The following NPSR1 variants were observed in gnomAD, a reference collection of about 807,000 sequenced individuals.
NPSR1 encodes the protein neuropeptide S receptor 1.
In NPSR1, 48 loss-of-function variants were observed where a neutral mutation model predicts 46.9. The observed-to-expected ratio is 1.02, with a 90% CI of 0.81 to 1.30. The LOEUF (loss-of-function observed/expected upper bound fraction) is 1.30, where lower values mean the gene tolerates loss of function less well. Among genes scored for constraint, NPSR1 ranks in the 50% most tolerant of loss-of-function variants. NPSR1 has a pLI of 0.00. For missense variants in NPSR1, 450 were observed against 449.5 expected (o/e 1.00, Z -0.01); for synonymous variants, 176 against 168.1 (o/e 1.05, Z -0.36).
At position 34,787,560 on chromosome 7, in the gene NPSR1, G is replaced by C. The variant is rs568717886; in HGVS notation, c.384+8995G>C. On this transcript the variant is annotated intron_variant, in intron 3 of 8. Transcript: ENST00000360581. ...CAAAACTAAGCTTTTGGTCTATCTT[G>C]GTTTCTGACATGCTTTTTCTCCCTA... Among the ~76,000 whole-genome samples the C allele has an allele frequency of 2.4e-4, 37 of 152,124 alleles. 1 individual carries two copies. The South Asian group carries it at 7.1e-3, about 29-fold the overall frequency.
At chr7:34,815,745 C>G (rs879582759) in intron 4 of NPSR1, among the ~76,000 whole-genome samples, 21 of 152,052 alleles carry the variant, frequency 1.4e-4, no homozygotes, top group Non-Finnish European at 2.4e-4. Flanking sequence ...AGCCAGAAGA[C>G]AGTGGGGGCC....
At chr7:34,804,231 C>T (rs1431495042) in intron 3 of NPSR1, among the ~76,000 whole-genome samples, 2 of 152,012 alleles carry the variant, frequency 1.3e-5, no homozygotes, top group African/African-American at 4.8e-5. Flanking sequence ...AGAACAATAT[C>T]CCTCATGAAC....
chr7:34,738,696 G>GATTTATATACC (rs1784798944), intron 2 of NPSR1, among the ~76,000 whole-genome samples: 1 of 151,674 alleles, frequency 6.6e-6, no homozygotes, highest in African/African-American at 2.4e-5. Flanking sequence ...GATTTAAATT[G>GATTTATATACC]ATTTATATAC....
chr7:34,828,521 T>C (rs1208093298), intron 5 of NPSR1, among the ~76,000 whole-genome samples: 1 of 140,572 alleles, frequency 7.1e-6, no homozygotes, highest in Non-Finnish European at 1.6e-5. Flanking sequence ...GTAGATGGGG[T>C]GGGAGACTAC....
chr7:34,856,586 G>T (rs1262968499), intron 8 of NPSR1, among the ~76,000 whole-genome samples: 5 of 151,574 alleles, frequency 3.3e-5, no homozygotes, highest in Non-Finnish European at 5.9e-5. Context: ...ATGATTTTAG[G>T]GGAATAATAA....
intron 2 of NPSR1, among the ~76,000 whole-genome samples, chr7:34,775,774 T>C (rs1786927643): frequency 1.3e-5 from 2 of 152,132 alleles, no homozygotes; most frequent in South Asian, 2.1e-4. Context: ...CTACTAATTT[T>C]GAGTTTGTTA....
chr7:34,820,591 G>T (rs578014321), intron 4 of NPSR1, among the ~76,000 whole-genome samples: 5 of 152,272 alleles, frequency 3.3e-5, no homozygotes, highest in Non-Finnish European at 5.9e-5. Flanking sequence ...AAGCCCTCAG[G>T]AGGTCATGAG....
intron 4 of NPSR1, among the ~76,000 whole-genome samples, chr7:34,821,997 G>A (rs1562755266): frequency 6.6e-6 from 1 of 152,148 alleles, no homozygotes; most frequent in Non-Finnish European, 1.5e-5. Context: ...GCCAAGGAAA[G>A]AAGCCATCCA....
intron 6 of NPSR1, among the ~76,000 whole-genome samples, chr7:34,837,991 G>A (rs1191492896): frequency 6.6e-6 from 1 of 152,140 alleles, no homozygotes; most frequent in Non-Finnish European, 1.5e-5. Flanking sequence ...CCCCTGTCTT[G>A]TGGTTTCTGC....
At chr7:34,679,390 C>G (rs1370515141) in intron 1 of NPSR1, among the ~76,000 whole-genome samples, 1 of 151,840 alleles carries the variant, frequency 6.6e-6, no homozygotes, top group Non-Finnish European at 1.5e-5. Flanking sequence ...CAAAGATATA[C>G]CATTAAAATA....
intron 2 of NPSR1, chr7:34,751,056 A>G: frequency 1.3e-6 from 1 of 779,482 alleles, no homozygotes; most frequent in Non-Finnish European, 2.4e-6. Context: ...CAGCATGGCC[A>G]TCTCACTCAC....
intron 3 of NPSR1, among the ~76,000 whole-genome samples, chr7:34,790,960 TTATATTATATATGTTATATGTTATATTA>T (rs1787776529): frequency 1.1e-5 from 1 of 87,244 alleles, no homozygotes; most frequent in Admixed American, 1.3e-4. Flanking sequence ...ATGTTATATG[TTATATTATATATGTTATATGTTATATTA>T]TATATGTTAT....
intron 3 of NPSR1, among the ~76,000 whole-genome samples, chr7:34,795,196 G>A (rs1788118053): frequency 6.6e-6 from 1 of 152,110 alleles, no homozygotes; most frequent in Non-Finnish European, 1.5e-5. Context: ...TTTAAAAAGT[G>A]TTTAACAAAT....
At chr7:34,733,260 A>G (rs924559092) in intron 2 of NPSR1, among the ~76,000 whole-genome samples, 12 of 152,070 alleles carry the variant, frequency 7.9e-5, no homozygotes, top group South Asian at 2.1e-4. Context: ...TCTCTACTAA[A>G]AATACAAAAA....
rs534676300 is a variant in NPSR1, at chr7:34,799,102, A to C, written c.385-12668A>C. 4.6e-5 allele frequency among the ~76,000 whole-genome samples: 7 copies of C among 152,270 alleles called. No homozygotes were observed. The South Asian group carries it at 1.4e-3, about 32-fold the overall frequency. ...AAAGCAGAATAAAAGAAATGATAAA[A>C]ATTGGAGCATAAATTATTAAATTGA... On this transcript the variant is annotated intron_variant, in intron 3 of 8. Coordinates refer to ENST00000360581, the MANE Select transcript of NPSR1 (RefSeq NM_207172.2).
chr7:34,751,413 A>G, intron 2 of NPSR1: 1 of 1,040,578 alleles, frequency 9.6e-7, no homozygotes, highest in South Asian at 1.3e-5. Flanking sequence ...GCAAGAGTGG[A>G]ACAAAGGCAG....
Position 34,757,369 on chromosome 7 carries a change from A to G in NPSR1, c.281-21093A>G, listed in dbSNP as rs531495624. 2.6e-5 allele frequency among the ~76,000 whole-genome samples: 4 copies of G among 152,316 alleles called. No homozygotes were observed. The South Asian group carries it at 6.2e-4, about 24-fold the overall frequency. On this transcript the variant is annotated intron_variant, in intron 2 of 8. Coordinates refer to ENST00000360581, the MANE Select transcript of NPSR1 (RefSeq NM_207172.2). ...ATGTGCACAGTAGGCAGTTTGGCTC[A>G]GGTACACTTATTCAAAACATTGCAT...
chr7:34,786,239 T>C (rs991225186), intron 3 of NPSR1, among the ~76,000 whole-genome samples: 2 of 152,168 alleles, frequency 1.3e-5, no homozygotes, highest in Non-Finnish European at 2.9e-5. Flanking sequence ...GTTCACAGCA[T>C]TATCACCAAG....
At chr7:34,804,441 A>G (rs988263797) in intron 3 of NPSR1, among the ~76,000 whole-genome samples, 14 of 152,168 alleles carry the variant, frequency 9.2e-5, no homozygotes, top group Admixed American at 3.9e-4. Flanking sequence ...TTTTCCATCA[A>G]TGGACACAGG....
Sources: allele counts gnomAD v4.1 joint callset (sites outside exome capture counted in the v4.1 genomes callset), GRCh38; gene constraint gnomAD v4.1.1; transcripts MANE v1.5; gene names NCBI Gene and HGNC (gene_info 2026-07-23, HGNC 2026-07-21).